The following MYO3B variants were observed in gnomAD, a reference collection of about 807,000 sequenced individuals.
MYO3B encodes myosin-IIIb.
Under a neutral mutation model 174.6 loss-of-function variants are expected in MYO3B, and 156 were observed. The ratio of observed to expected loss-of-function variants is 0.89; its 90% CI spans 0.78 to 1.02. The LOEUF is 1.02. MYO3B is among the 50% of genes least tolerant of loss of function. The probability of loss-of-function intolerance (pLI) is 0.00; values close to 1 mark genes in which losing one functional copy is unlikely to be tolerated. For missense variants in MYO3B, 1,632 were observed against 1,639.4 expected, an observed-to-expected ratio of 1.00 and a Z score of 0.08; for synonymous variants, 563 against 569.1, an observed-to-expected ratio of 0.99 and a Z score of 0.15.
At chr2:170,209,800 A>T (rs547375258) in intron 3 of MYO3B, among the ~76,000 whole-genome samples, 4 of 152,356 alleles carry the variant, frequency 2.6e-5, no homozygotes, top group Non-Finnish European at 2.9e-5. Context: ...TTAGAATTTT[A>T]AAAATCCCAT....
chr2:170,451,416 CA>C (rs1374122971), intron 23 of MYO3B, among the ~76,000 whole-genome samples: 1 of 152,212 alleles, frequency 6.6e-6, no homozygotes, highest in Non-Finnish European at 1.5e-5. Context: ...AAACAGTTTT[CA>C]AAAGTCAAAG....
At chr2:170,400,463 TG>T in intron 17 of MYO3B, 149 bp downstream of exon 17, 1 of 986,544 alleles carries the variant, frequency 1.0e-6, no homozygotes, top group South Asian at 1.7e-5. Context: ...TGGAGTCCAG[TG>T]GTGCAATCTC....
intron 7 of MYO3B, among the ~76,000 whole-genome samples, chr2:170,326,342 G>A (rs769521113): frequency 1.3e-5 from 2 of 152,048 alleles, no homozygotes; most frequent in Non-Finnish European, 2.9e-5. Context: ...AAAAAATTAT[G>A]CATTTACAAA....
intron 7 of MYO3B, among the ~76,000 whole-genome samples, chr2:170,318,814 G>A (rs1323910076): frequency 7.5e-6 from 1 of 132,874 alleles, no homozygotes; most frequent in Admixed American, 7.6e-5. Context: ...CTGGAGATGA[G>A]GCCAAAAAAA....
At chr2:170,377,003 T>A (rs34272774) in intron 9 of MYO3B, among the ~76,000 whole-genome samples, 6,933 of 152,250 alleles carry the variant, frequency 0.046, 202 homozygotes, top group Non-Finnish European at 0.066. Flanking sequence ...CTACGTGAAG[T>A]TCTTGCAGCT....
chr2:170,202,404 A>C (rs2092671914), intron 3 of MYO3B, among the ~76,000 whole-genome samples: 2 of 152,126 alleles, frequency 1.3e-5, no homozygotes, highest in African/African-American at 4.8e-5. Flanking sequence ...GGTCATGTGC[A>C]TTCAGTGCCT....
intron 32 of MYO3B, among the ~76,000 whole-genome samples, chr2:170,648,333 A>G (rs1378657869): frequency 6.6e-6 from 1 of 152,032 alleles, no homozygotes; most frequent in Non-Finnish European, 1.5e-5. Context: ...ATGCTAATTA[A>G]TATGTTTTCA....
intron 7 of MYO3B, among the ~76,000 whole-genome samples, chr2:170,275,764 AT>A (rs1318358700): frequency 6.6e-6 from 1 of 152,140 alleles, no homozygotes. Context: ...AAATACCTGG[AT>A]TTAAACCAGT....
chr2:170,633,417 A>G (rs976510388), intron 32 of MYO3B, among the ~76,000 whole-genome samples: 2 of 152,266 alleles, frequency 1.3e-5, no homozygotes, highest in Non-Finnish European at 2.9e-5. Flanking sequence ...ATATAATTCA[A>G]CAGCGCTTCA....
chr2:170,625,074 G>A (rs1396229510), intron 32 of MYO3B, among the ~76,000 whole-genome samples: 1 of 152,326 alleles, frequency 6.6e-6, no homozygotes, highest in Non-Finnish European at 1.5e-5. Context: ...GATGATGCTG[G>A]CCTCATAAAA....
chr2:170,543,796 A>T, intron 31 of MYO3B, 96 bp from the exon 32 acceptor site: 1 of 878,994 alleles, frequency 1.1e-6, no homozygotes, highest in East Asian at 2.8e-5. Context: ...GCTTTTAGTC[A>T]GGTTTAAGTG....
intron 3 of MYO3B, among the ~76,000 whole-genome samples, chr2:170,211,943 A>C (rs1461103681): frequency 1.7e-5 from 1 of 60,340 alleles, no homozygotes; most frequent in Non-Finnish European, 4.2e-5. Flanking sequence ...ATGTTTTCTT[A>C]AAAAAAAAAA....
intron 21 of MYO3B, among the ~76,000 whole-genome samples, chr2:170,406,985 A>G (rs892600072): frequency 3.9e-5 from 6 of 152,096 alleles, no homozygotes; most frequent in South Asian, 2.1e-4. Context: ...ATACCTACCT[A>G]CCACTTGTGA....
rs781544023 is a variant in MYO3B, at chr2:170,635,090, G to A, written c.3734-16538G>A. On this transcript the variant is annotated intron_variant, in intron 32 of 34. Transcript: ENST00000408978. ...GGATCCAGAACTAGAAATACCATTTGACCCAGGGATCCCATTACTGGGTAT... is the reference window on the plus strand; with the variant it reads ...GGATCCAGAACTAGAAATACCATTTAACCCAGGGATCCCATTACTGGGTAT... 4.3e-4 allele frequency among the ~76,000 whole-genome samples: 66 copies of A among 152,332 alleles called. No individual in the cohort carries two copies. In the Middle Eastern group the frequency reaches 0.014, roughly 32 times the overall value.
chr2:170,640,779 TACCATTTC>T (rs1189534943), intron 32 of MYO3B: 1 of 152,148 alleles, frequency 6.6e-6, no homozygotes, highest in African/African-American at 2.4e-5. Flanking sequence ...AGTGTGATGA[TACCATTTC>T]ACTTTCACCG....
intron 29 of MYO3B, among the ~76,000 whole-genome samples, chr2:170,515,655 A>G (rs1303459235): frequency 6.6e-6 from 1 of 151,938 alleles, no homozygotes; most frequent in Admixed American, 6.6e-5. Context: ...TCTGCTTGAG[A>G]GGCTATGATT....
chr2:170,391,560 G>T lies in MYO3B; in HGVS notation c.1618G>T (p.Gly540Cys). 2 of 1,577,204 alleles carry T rather than the reference G, an allele frequency of 1.3e-6. No individual in the cohort carries two copies. The highest frequency in any genetic ancestry group is 1.2e-5 in the South Asian group (1 of 84,390). The change falls in exon 15 of 35, where the codon GGT becomes TGT. Residue 540 changes from glycine (G) to cysteine (C), a missense_variant. By Grantham distance (159) the Gly-to-Cys change is radical (BLOSUM62 -3). Coordinates refer to ENST00000408978, the MANE Select transcript of MYO3B (RefSeq NM_138995.5). ...NFHIFYYIYA[G>C]LHHQKKLSDF... ...TCATATATTTTACTATATTTATGCT[G>T]GTCTTCATCACCAAAAGAAGCTTTC...
Position 170,473,212 on chromosome 2 carries a change from G to A in MYO3B, c.3014+6501G>A, listed in dbSNP as rs374265944. On this transcript the variant is annotated intron_variant, in intron 25 of 34. Transcript: ENST00000408978. ...GGCTGGAGTGTAGTGGGGTGATCTC[G>A]GCTTACTGCAAGCTTCGCCTCCTGG... is the stretch of plus-strand genomic sequence containing the variant. Among the ~76,000 whole-genome samples, 207 of 137,882 alleles carry A rather than the reference G, an allele frequency of 1.5e-3. 4 individuals are homozygous for A. In the South Asian group the frequency reaches 0.041, roughly 27 times the overall value. The allele number at this position is 137,882 out of a possible 152,430, so 90.5% of individuals were successfully genotyped here. A position where few individuals can be genotyped will look rare whatever the true frequency, so the allele number is the denominator to read the frequency against.
At chr2:170,230,853 G>A (rs926847039) in intron 6 of MYO3B, among the ~76,000 whole-genome samples, 11 of 152,116 alleles carry the variant, frequency 7.2e-5, no homozygotes, top group Non-Finnish European at 1.3e-4. Flanking sequence ...TGAAAAAGGG[G>A]TTGCTTGGTT....
Sources: gnomAD v4.1 joint callset for allele counts (sites outside exome capture counted in the v4.1 genomes callset) on GRCh38, gnomAD v4.1.1 for gene constraint, MANE v1.5 for transcripts, NCBI Gene and HGNC (gene_info 2026-07-23, HGNC 2026-07-21) for gene names.